COL25A1: variants seen among roughly 807,000 people sequenced by gnomAD.
COL25A1 encodes the protein collagen type XXV alpha 1 chain, also known as collagen alpha-1(XXV) chain.
Under a neutral mutation model 128.4 loss-of-function variants are expected in COL25A1, and 103 were observed. The ratio of observed to expected loss-of-function variants is 0.80; its 90% confidence interval spans 0.68 to 0.94. COL25A1 has a LOEUF of 0.94. Ranked by LOEUF, COL25A1 falls within the 40% of genes least tolerant of loss-of-function variation. COL25A1 has a pLI of 0.00. For synonymous variants in COL25A1, 279 were observed against 277.2 expected, an observed-to-expected ratio of 1.01 and a Z score of -0.06; for missense variants, 745 against 840.0, an observed-to-expected ratio of 0.89 and a Z score of 1.40.
chr4:109,089,375 G>C (rs1032324516), intron 3 of COL25A1, among the ~76,000 whole-genome samples: 2 of 152,140 alleles, frequency 1.3e-5, no homozygotes, highest in African/African-American at 2.4e-5. Context: ...GCATATAGCA[G>C]CTCCTGTATT....
At chr4:108,962,720 G>GTTA (rs1012896667) in intron 8 of COL25A1, among the ~76,000 whole-genome samples, 13 of 84,420 alleles carry the variant, frequency 1.5e-4, no homozygotes, top group African/African-American at 2.6e-4. Context: ...CAACAGTATT[G>GTTA]TTATTATTAT....
intron 6 of COL25A1, among the ~76,000 whole-genome samples, chr4:108,986,078 A>T (rs961385086): frequency 6.6e-6 from 1 of 152,076 alleles, no homozygotes; most frequent in Non-Finnish European, 1.5e-5. Context: ...TATAGATTTC[A>T]TTTTCCACAA....
At chr4:109,024,102 A>T (rs1244760245) in intron 5 of COL25A1, among the ~76,000 whole-genome samples, 1 of 152,206 alleles carries the variant, frequency 6.6e-6, no homozygotes. Flanking sequence ...ATTATAAAAT[A>T]GGCTTTGTGT....
chr4:109,241,865 T>C (rs1305238382), intron 3 of COL25A1, among the ~76,000 whole-genome samples: 9 of 152,090 alleles, frequency 5.9e-5, no homozygotes, highest in African/African-American at 1.9e-4. Context: ...TTTAATTCAT[T>C]TGTACAGATT....
chr4:108,972,216 C>T (rs1252018425), intron 8 of COL25A1, among the ~76,000 whole-genome samples: 3 of 151,796 alleles, frequency 2.0e-5, no homozygotes, highest in African/African-American at 7.3e-5. Context: ...TGGTAAAAAG[C>T]GTAATTCAAA....
chr4:108,862,829 G>A (rs570137323), intron 21 of COL25A1, among the ~76,000 whole-genome samples: 1 of 152,158 alleles, frequency 6.6e-6, no homozygotes, highest in Non-Finnish European at 1.5e-5. Flanking sequence ...GTGTTTGGCT[G>A]CATCAATTTC....
intron 3 of COL25A1, among the ~76,000 whole-genome samples, chr4:109,222,213 G>GC (rs146932710): frequency 0.086 from 13,071 of 151,568 alleles, 1,167 homozygotes; most frequent in African/African-American, 0.23. Flanking sequence ...ACAGGCATGT[G>GC]CCACCACATC....
At chr4:108,840,323 G>A (rs568509353) in intron 31 of COL25A1, among the ~76,000 whole-genome samples, 17 of 150,604 alleles carry the variant, frequency 1.1e-4, no homozygotes, top group East Asian at 2.0e-4. Flanking sequence ...GAGATTAAAC[G>A]ACTACTAAGA....
At chr4:108,844,643 G>A in intron 29 of COL25A1, 74 bp from the exon 30 acceptor site, 1 of 1,556,634 alleles carries the variant, frequency 6.4e-7, no homozygotes, top group South Asian at 1.3e-5. Context: ...ATCTTGTGCT[G>A]GGGTTCTGCT....
In COL25A1 at chr4:108,813,065, C is replaced by T. The variant is rs570138566; in HGVS notation, c.*862G>A. On this transcript the variant is annotated 3_prime_UTR_variant, in exon 38 of 38. Transcript: ENST00000399132. ...ATGTTTGCATTTGTAAACCTCTTTCCTACTTGGTCACATGAGAGGCAGTGC... is the reference window on the plus strand; with the variant it reads ...ATGTTTGCATTTGTAAACCTCTTTCTTACTTGGTCACATGAGAGGCAGTGC... The T allele has an allele frequency of 1.3e-5, 2 of 152,288 alleles. No homozygotes were observed. Among genetic ancestry groups the T allele is most frequent in the South Asian group, 4.1e-4 (2 of 4,826 alleles). The allele number at this position is 152,288 out of a possible 1,614,324, so 9.4% of individuals were successfully genotyped here.
At chr4:108,946,736 G>C (rs767811880) in intron 8 of COL25A1, among the ~76,000 whole-genome samples, 1 of 152,132 alleles carries the variant, frequency 6.6e-6, no homozygotes, top group Non-Finnish European at 1.5e-5. Flanking sequence ...ATGTGCACTA[G>C]ACACATGTTT....
chr4:109,197,508 T>TAA (rs1482204228), intron 3 of COL25A1, among the ~76,000 whole-genome samples: 2 of 131,592 alleles, frequency 1.5e-5, no homozygotes, highest in African/African-American at 5.7e-5. Flanking sequence ...ATATATTATA[T>TAA]AATATTTATA....
intron 3 of COL25A1, among the ~76,000 whole-genome samples, chr4:109,204,679 C>G (rs534371799): frequency 1.1e-4 from 17 of 152,062 alleles, no homozygotes; most frequent in Non-Finnish European, 2.1e-4. Context: ...GTTTCAACAA[C>G]AGAAAGCAGG....
chr4:109,219,082 C>A (rs1033432458), intron 3 of COL25A1, among the ~76,000 whole-genome samples: 1 of 152,152 alleles, frequency 6.6e-6, no homozygotes, highest in Middle Eastern at 3.4e-3. Flanking sequence ...TGAGTTAGTA[C>A]AAACTTTCCC....
At chr4:108,858,134 A>C (rs1397358072) in intron 24 of COL25A1, among the ~76,000 whole-genome samples, 1 of 152,162 alleles carries the variant, frequency 6.6e-6, no homozygotes, top group Non-Finnish European at 1.5e-5. Flanking sequence ...CTCCACAGGA[A>C]GGGCATGACT....
At chr4:109,218,399 T>C (rs1009494331) in intron 3 of COL25A1, among the ~76,000 whole-genome samples, 1 of 141,918 alleles carries the variant, frequency 7.0e-6, no homozygotes, top group Non-Finnish European at 1.5e-5. Flanking sequence ...GAACTACACT[T>C]ACTCTCCATG....
At chr4:108,921,981 G>A (rs758664151) in intron 11 of COL25A1, among the ~76,000 whole-genome samples, 6 of 152,022 alleles carry the variant, frequency 3.9e-5, no homozygotes, top group African/African-American at 7.2e-5. Flanking sequence ...CAAACCAAAC[G>A]TATGTGTACC....
At chr4:109,190,822 T>C (rs1474896271) in intron 3 of COL25A1, among the ~76,000 whole-genome samples, 1 of 152,206 alleles carries the variant, frequency 6.6e-6, no homozygotes, top group Non-Finnish European at 1.5e-5. Flanking sequence ...GTGGATTTTA[T>C]AGCTAACTAG....
chr4:109,259,977 C>T (rs942638596), intron 3 of COL25A1, among the ~76,000 whole-genome samples: 2 of 152,214 alleles, frequency 1.3e-5, no homozygotes, highest in Non-Finnish European at 2.9e-5. Context: ...TTACGACAAA[C>T]AGGCGATGCA....
Sources: gnomAD v4.1 joint callset for allele counts (sites outside exome capture counted in the v4.1 genomes callset) on GRCh38, gnomAD v4.1.1 for gene constraint, MANE v1.5 for transcripts, NCBI Gene and HGNC (gene_info 2026-07-23, HGNC 2026-07-21) for gene names.